GALM: variants seen among roughly 807,000 people sequenced by gnomAD.
The protein encoded by GALM is galactose mutarotase.
A neutral mutation model predicts 37.4 loss-of-function variants in GALM; 43 were observed. The ratio of observed to expected loss-of-function variants is 1.15; its 90% confidence interval spans 0.90 to 1.48. The LOEUF (loss-of-function observed/expected upper bound fraction) is 1.48. Among genes scored for constraint, GALM ranks in the 40% most tolerant of loss-of-function variants. GALM has a pLI of 0.00. For synonymous variants in GALM, 199 were observed against 170.6 expected (o/e 1.17, Z -1.30); for missense variants, 456 against 419.1 (o/e 1.09, Z -0.77).
At chr2:38,733,261 A>G (rs1379082600) in intron 6 of GALM, among the ~76,000 whole-genome samples, 1 of 151,510 alleles carries the variant, frequency 6.6e-6, no homozygotes, top group Non-Finnish European at 1.5e-5. Context: ...ACCAGATTAT[A>G]GATCAACACA....
At chr2:38,696,781 CT>C (rs34163863) in intron 4 of GALM, among the ~76,000 whole-genome samples, 579 of 68,446 alleles carry the variant, frequency 8.5e-3, no homozygotes, top group African/African-American at 0.032. Flanking sequence ...CCCAAGAAAG[CT>C]TTTTTTTTTT....
chr2:38,696,586 C>T (rs1572525976), intron 4 of GALM, among the ~76,000 whole-genome samples: 1 of 151,798 alleles, frequency 6.6e-6, no homozygotes, highest in Admixed American at 6.6e-5. Flanking sequence ...TGCACATCAC[C>T]ATACCCAGGT....
intron 4 of GALM, among the ~76,000 whole-genome samples, chr2:38,725,182 A>G (rs1162370821): frequency 6.6e-6 from 1 of 152,220 alleles, no homozygotes; most frequent in Admixed American, 6.5e-5. Context: ...ATAGGTTGGT[A>G]AGACTAAAAT....
chr2:38,687,265 G>C (rs894762393), intron 3 of GALM, among the ~76,000 whole-genome samples: 2 of 152,190 alleles, frequency 1.3e-5, no homozygotes, highest in Non-Finnish European at 2.9e-5. Flanking sequence ...CTAGGCAGGG[G>C]TACAGACCCT....
chr2:38,727,799 C>A (rs1572545582), intron 4 of GALM, among the ~76,000 whole-genome samples: 1 of 151,502 alleles, frequency 6.6e-6, no homozygotes, highest in East Asian at 1.9e-4. Context: ...TGTGTTCTCT[C>A]AGCATTTAGG....
intron 4 of GALM, chr2:38,698,425 C>A: frequency 7.7e-7 from 1 of 1,301,922 alleles, no homozygotes; most frequent in Non-Finnish European, 1.0e-6. Context: ...GGACCAGGAG[C>A]AAAGTTTGCA....
At chr2:38,692,351 G>A (rs1408188322) in intron 4 of GALM, among the ~76,000 whole-genome samples, 1 of 152,178 alleles carries the variant, frequency 6.6e-6, no homozygotes, top group Non-Finnish European at 1.5e-5. Context: ...AGGAATGTAA[G>A]AATTCACATG....
chr2:38,675,010 A>G (rs911784021), intron 1 of GALM, among the ~76,000 whole-genome samples: 6 of 152,176 alleles, frequency 3.9e-5, no homozygotes, highest in African/African-American at 9.7e-5. Context: ...CCCCGTCTCT[A>G]CTAAAAATAC....
chr2:38,683,912 G>T (rs570662155), intron 3 of GALM, among the ~76,000 whole-genome samples: 127 of 152,192 alleles, frequency 8.3e-4, no homozygotes, highest in African/African-American at 3.0e-3. Flanking sequence ...CTCTATCTTA[G>T]TAAGCGTAGC....
intron 4 of GALM, 52 bp downstream of exon 4, chr2:38,689,946 A>G (rs1216981666): frequency 1.0e-6 from 1 of 977,832 alleles, no homozygotes; most frequent in African/African-American, 1.6e-5. Context: ...TTGGCTCTCG[A>G]GGCCAAGAAA....
At chr2:38,688,278 G>A (rs559966949) in intron 3 of GALM, among the ~76,000 whole-genome samples, 4 of 151,968 alleles carry the variant, frequency 2.6e-5, no homozygotes, top group African/African-American at 9.6e-5. Context: ...TTGGGAGGCC[G>A]AGGTGAGCAG....
chr2:38,693,837 A>G (rs1416661922), intron 4 of GALM, among the ~76,000 whole-genome samples: 1 of 152,158 alleles, frequency 6.6e-6, no homozygotes, highest in Non-Finnish European at 1.5e-5. Context: ...TGGTATTAGA[A>G]CTCAGGCTCT....
chr2:38,717,819 C>T (rs959040067), intron 4 of GALM, among the ~76,000 whole-genome samples: 3 of 151,258 alleles, frequency 2.0e-5, no homozygotes, highest in African/African-American at 4.9e-5. Flanking sequence ...AAGCAAAATA[C>T]GGAACAAATT....
chr2:38,671,273 T>G (rs1665092545), intron 1 of GALM: 1 of 152,234 alleles, frequency 6.6e-6, no homozygotes, highest in African/African-American at 2.4e-5. Flanking sequence ...ATGTGAAAGC[T>G]TAGTAACTAT....
chr2:38,669,472 C>T (rs531399999), intron 1 of GALM: 2 of 152,248 alleles, frequency 1.3e-5, no homozygotes, highest in African/African-American at 2.4e-5. Context: ...GCTTTTGAGA[C>T]GCAAGTCTGC....
intron 4 of GALM, among the ~76,000 whole-genome samples, chr2:38,728,523 G>C (rs3108666): frequency 0.26 from 38,757 of 151,492 alleles, 5,152 homozygotes; most frequent in Admixed American, 0.28. Context: ...GTGAAACCCC[G>C]TCTCTACTAA....
intron 4 of GALM, among the ~76,000 whole-genome samples, chr2:38,709,160 G>A (rs1047398046): frequency 2.0e-5 from 3 of 152,102 alleles, no homozygotes; most frequent in African/African-American, 4.8e-5. Flanking sequence ...CAGGGAAGAC[G>A]CGTGGCAAGG....
intron 4 of GALM, among the ~76,000 whole-genome samples, chr2:38,705,725 C>A (rs1480820256): frequency 6.6e-6 from 1 of 152,200 alleles, no homozygotes; most frequent in African/African-American, 2.4e-5. Flanking sequence ...GCAGGGTCAG[C>A]ACCTGAGAGT....
chr2:38,703,874 G>A (rs1426882239), intron 4 of GALM, among the ~76,000 whole-genome samples: 4 of 151,970 alleles, frequency 2.6e-5, no homozygotes, highest in Non-Finnish European at 4.4e-5. Context: ...AATCAGCTGG[G>A]TGTGGTGGCA....
Sources: allele counts gnomAD v4.1 joint callset (sites outside exome capture counted in the v4.1 genomes callset), GRCh38; gene constraint gnomAD v4.1.1; transcripts MANE v1.5; gene names NCBI Gene and HGNC (gene_info 2026-07-23, HGNC 2026-07-21).